Variants in KLF8 observed in about 807,000 individuals in gnomAD.
KLF8 encodes KLF transcription factor 8, also known as Krueppel-like factor 8.
Under a neutral mutation model 18.2 loss-of-function variants are expected in KLF8, and 10 were observed. The observed-to-expected ratio is 0.55, with a 90% confidence interval of 0.34 to 0.93. The LOEUF (loss-of-function observed/expected upper bound fraction) is 0.93. KLF8 is among the 40% of genes least tolerant of loss of function. The pLI, the probability that KLF8 is intolerant of heterozygous loss-of-function variation, is 0.02. For synonymous variants in KLF8, 109 were observed against 97.3 expected, an observed-to-expected ratio of 1.12 and a Z score of -0.71; for missense variants, 264 against 277.9, an observed-to-expected ratio of 0.95 and a Z score of 0.36.
chrX:56,025,127 C>T, the KLF8 span, among the ~76,000 whole-genome samples: 9,825 of 111,961 alleles, frequency 0.088, 1,044 homozygotes, highest in African/African-American at 0.31. Context: ...ACAAACATAA[C>T]ACAAAGTGAT....
chrX:55,970,664 A>G, the KLF8 span, among the ~76,000 whole-genome samples: 2 of 111,274 alleles, frequency 1.8e-5, no homozygotes, highest in African/African-American at 3.3e-5. Context: ...ATTTGGAAAA[A>G]CCTAAAGACA....
At chrX:56,120,982 T>A in the KLF8 span, among the ~76,000 whole-genome samples, 5 of 110,137 alleles carry the variant, frequency 4.5e-5, no homozygotes, top group Admixed American at 2.9e-4. Flanking sequence ...GTCAGGAGAT[T>A]GAGACCATCC....
At chrX:56,217,288 C>T in the KLF8 span, among the ~76,000 whole-genome samples, 1 of 111,521 alleles carries the variant, frequency 9.0e-6, no homozygotes, top group Non-Finnish European at 1.9e-5. Flanking sequence ...TAAAAGGGCT[C>T]ATTATTGGTA....
chrX:56,003,102 G>T, the KLF8 span, among the ~76,000 whole-genome samples: 1 of 111,572 alleles, frequency 9.0e-6, no homozygotes, highest in Admixed American at 9.5e-5. Context: ...TGAAAAGTCT[G>T]AACTTTGGCC....
the KLF8 span, among the ~76,000 whole-genome samples, chrX:55,955,506 T>C: frequency 8.9e-6 from 1 of 111,764 alleles, no homozygotes; most frequent in African/African-American, 3.2e-5. Flanking sequence ...CTCTCACTGC[T>C]GTGTATTGAA....
At chrX:55,978,332 G>A in the KLF8 span, among the ~76,000 whole-genome samples, 1 of 111,745 alleles carries the variant, frequency 8.9e-6, no homozygotes, top group African/African-American at 3.2e-5. Context: ...ATATGTACAA[G>A]TTGATGTTTT....
chrX:56,054,406 T>G, the KLF8 span, among the ~76,000 whole-genome samples: 1 of 111,838 alleles, frequency 8.9e-6, no homozygotes, highest in South Asian at 3.7e-4. Flanking sequence ...TTGAATGAAT[T>G]TTTTAGTCCT....
chrX:56,138,393 T>A, the KLF8 span, among the ~76,000 whole-genome samples: 1 of 111,493 alleles, frequency 9.0e-6, no homozygotes, highest in Non-Finnish European at 1.9e-5. Flanking sequence ...ATATCCCTAA[T>A]GAACATTGAT....
chrX:56,277,201 C>T (rs1197915936), intron 5 of KLF8, among the ~76,000 whole-genome samples: 2 of 111,638 alleles, frequency 1.8e-5, no homozygotes, highest in African/African-American at 6.5e-5. Flanking sequence ...TTTCCTGGAT[C>T]GTCTTGATGC....
rs1379065844 is a variant in KLF8 at position 56,286,417 on chromosome X, T to G, written c.*1923T>G. The G allele has an allele frequency of 8.9e-6, 1 of 112,250 alleles. No homozygotes were observed. Among genetic ancestry groups the G allele is most frequent in the East Asian group, 2.8e-4 (1 of 3,581 alleles). The allele number at this position is 112,250 out of a possible 1,213,427, so 9.3% of individuals were successfully genotyped here. A position where few individuals can be genotyped will look rare whatever the true frequency, so the allele number is the denominator to read the frequency against. On this transcript the variant is annotated 3_prime_UTR_variant, in exon 6 of 6. Transcript: ENST00000468660. ...ATCCCCCCACCTCGGCCTCCCAAAG[T>G]GCTGGGATCACAGGTGTGAGTCACC... is the stretch of plus-strand genomic sequence containing the variant.
the KLF8 span, among the ~76,000 whole-genome samples, chrX:56,134,824 A>G: frequency 2.5e-3 from 278 of 111,034 alleles, 1 homozygote; most frequent in African/African-American, 8.7e-3. Flanking sequence ...AAGAAAGAAA[A>G]AAAAAATCCC....
At chrX:55,974,833 T>A in the KLF8 span, among the ~76,000 whole-genome samples, 1 of 112,058 alleles carries the variant, frequency 8.9e-6, no homozygotes, top group African/African-American at 3.2e-5. Context: ...GCAGACTACC[T>A]TTGGGTAGTG....
At chrX:56,127,100 C>T in the KLF8 span, among the ~76,000 whole-genome samples, 1 of 110,793 alleles carries the variant, frequency 9.0e-6, no homozygotes, top group South Asian at 3.8e-4. Context: ...CAAATAGTGC[C>T]TCCCAGAGAG....
chrX:56,162,190 G>A, the KLF8 span, among the ~76,000 whole-genome samples: 3 of 111,968 alleles, frequency 2.7e-5, no homozygotes, highest in East Asian at 2.8e-4. Context: ...ACTGTGGGGT[G>A]CCTCCCAGTT....
the KLF8 span, among the ~76,000 whole-genome samples, chrX:55,929,474 TTTC>T: frequency 3.6e-5 from 4 of 112,437 alleles, no homozygotes; most frequent in Admixed American, 1.9e-4. Flanking sequence ...TTGCCTAGGA[TTTC>T]TTCTAGGGTT....
chrX:56,052,025 TC>T, the KLF8 span, among the ~76,000 whole-genome samples: 2 of 111,606 alleles, frequency 1.8e-5, no homozygotes. Flanking sequence ...CATTTCATCT[TC>T]CATTGCTGAT....
chrX:56,003,071 C>T, the KLF8 span, among the ~76,000 whole-genome samples: 6 of 111,437 alleles, frequency 5.4e-5, 1 homozygote, highest in Admixed American at 5.7e-4. Flanking sequence ...CTTCTCTGTC[C>T]CTGACTATGA....
the KLF8 span, among the ~76,000 whole-genome samples, chrX:56,186,762 G>C: frequency 5.4e-5 from 6 of 112,044 alleles, no homozygotes; most frequent in African/African-American, 1.9e-4. Context: ...TGAACAACCT[G>C]CTCCTGAATG....
At chrX:56,043,402 G>T in the KLF8 span, among the ~76,000 whole-genome samples, 1 of 111,421 alleles carries the variant, frequency 9.0e-6, no homozygotes, top group Non-Finnish European at 1.9e-5. Flanking sequence ...ATATCCTGAA[G>T]TATATTTTCC....
Sources: gnomAD v4.1 joint callset for allele counts (sites outside exome capture counted in the v4.1 genomes callset) on GRCh38, gnomAD v4.1.1 for gene constraint, MANE v1.5 for transcripts, NCBI Gene and HGNC (gene_info 2026-07-23, HGNC 2026-07-21) for gene names.